Variants in CACNA2D3 observed in about 807,000 individuals in gnomAD.
CACNA2D3 encodes the protein calcium voltage-gated channel auxiliary subunit alpha2delta 3.
In CACNA2D3, 60 loss-of-function variants were observed where a neutral mutation model predicts 160.6. The ratio of observed to expected loss-of-function variants is 0.37; its 90% CI spans 0.30 to 0.46. The LOEUF is 0.46. Ranked by LOEUF, CACNA2D3 falls within the 20% of genes least tolerant of loss-of-function variation. The pLI is 1.00. For synonymous variants in CACNA2D3, 558 were observed against 492.9 expected (o/e 1.13, Z -1.75); for missense variants, 1,205 against 1,365.0 (o/e 0.88, Z 1.85).
chr3:54,675,365 G>C (rs1700221029), intron 11 of CACNA2D3, among the ~76,000 whole-genome samples: 1 of 152,136 alleles, frequency 6.6e-6, no homozygotes, highest in Non-Finnish European at 1.5e-5. Flanking sequence ...CAAGGAGTTT[G>C]GGACAACAAA....
chr3:54,147,484 A>T (rs868647848), intron 2 of CACNA2D3, among the ~76,000 whole-genome samples: 1 of 152,132 alleles, frequency 6.6e-6, no homozygotes, highest in Non-Finnish European at 1.5e-5. Context: ...TCCTTCCTTC[A>T]TTCCTTCTTT....
chr3:54,734,161 A>G (rs1701450109), intron 11 of CACNA2D3, among the ~76,000 whole-genome samples: 1 of 152,224 alleles, frequency 6.6e-6, no homozygotes, highest in Non-Finnish European at 1.5e-5. Context: ...GGGCAGGCTT[A>G]GCAACGGGGT....
At chr3:54,727,103 A>G (rs1302393005) in intron 11 of CACNA2D3, among the ~76,000 whole-genome samples, 2 of 152,244 alleles carry the variant, frequency 1.3e-5, no homozygotes, top group African/African-American at 2.4e-5. Context: ...AAAGGATATG[A>G]ACAGACACTT....
chr3:54,529,608 G>C (rs1701776293), intron 5 of CACNA2D3, among the ~76,000 whole-genome samples: 1 of 152,258 alleles, frequency 6.6e-6, no homozygotes, highest in African/African-American at 2.4e-5. Flanking sequence ...GGTTGTTCTG[G>C]AGAGGCTTCT....
In CACNA2D3 at chr3:54,767,697, T is replaced by C. The variant is rs117001493; in HGVS notation, c.1380+3346T>C. ...CAAATAATAATAATGATGATGACAA[T>C]AATAATAATAAGCTTGGAATATTTT... On this transcript the variant is annotated intron_variant, in intron 13 of 37. Transcript: ENST00000474759. Among the ~76,000 whole-genome samples the C allele has an allele frequency of 1.6e-4, 25 of 151,786 alleles. 1 individual carries two copies. In the East Asian group the frequency reaches 4.9e-3, roughly 30 times the overall value.
At chr3:54,642,057 G>T in intron 10 of CACNA2D3, 71 bp from the exon 11 acceptor site, 1 of 939,800 alleles carries the variant, frequency 1.1e-6, no homozygotes. Context: ...CAGGTCTCAT[G>T]TCTCTGATTT....
At chr3:55,021,689 A>ATG (rs1703458098) in intron 35 of CACNA2D3, among the ~76,000 whole-genome samples, 1 of 143,340 alleles carries the variant, frequency 7.0e-6, no homozygotes, top group African/African-American at 2.7e-5. Flanking sequence ...GTATATATAT[A>ATG]TATGTGTGTA....
chr3:54,943,203 T>TA (rs34708598), intron 27 of CACNA2D3, among the ~76,000 whole-genome samples: 18,799 of 142,010 alleles, frequency 0.13, 1,270 homozygotes, highest in Middle Eastern at 0.18. Context: ...CTATCTCTGG[T>TA]AAAAAAAAAA....
At chr3:54,820,065 G>A (rs532129714) in intron 14 of CACNA2D3, among the ~76,000 whole-genome samples, 1 of 152,232 alleles carries the variant, frequency 6.6e-6, no homozygotes, top group Non-Finnish European at 1.5e-5. Context: ...CCCTGAGTTT[G>A]TTGTTCCAGG....
At chr3:54,749,712 AT>A (rs1258333996) in intron 11 of CACNA2D3, among the ~76,000 whole-genome samples, 1 of 152,216 alleles carries the variant, frequency 6.6e-6, no homozygotes, top group Non-Finnish European at 1.5e-5. Context: ...GATTATGTTT[AT>A]TTTGTAGGCA....
chr3:54,991,799 G>A (rs1420594381), intron 31 of CACNA2D3, among the ~76,000 whole-genome samples: 2 of 152,074 alleles, frequency 1.3e-5, no homozygotes, highest in African/African-American at 4.8e-5. Flanking sequence ...ACCAAAATAG[G>A]GATCTCAATG....
intron 4 of CACNA2D3, among the ~76,000 whole-genome samples, chr3:54,450,148 C>G (rs775312863): frequency 2.2e-4 from 34 of 152,134 alleles, no homozygotes; most frequent in Non-Finnish European, 3.4e-4. Context: ...TATTAATTTC[C>G]TAGGACCTTC....
chr3:55,024,296 G>GTGTGT (rs1438062153), intron 35 of CACNA2D3, among the ~76,000 whole-genome samples: 1 of 151,576 alleles, frequency 6.6e-6, no homozygotes, highest in Non-Finnish European at 1.5e-5. Flanking sequence ...GTGAGAAAAT[G>GTGTGT]TGTGTTGTGA....
At position 54,822,775 on chromosome 3, in the gene CACNA2D3, TTTCTTTCTTTCTTTCCTTTCTTTC is replaced by T. The variant is rs1703646025; in HGVS notation, c.1398+5908_1398+5931del. The stretch of plus-strand genomic sequence containing the variant: ...CTTTCTTTCTTTCTTTCTTTCTTTC[TTTCTTTCTTTCTTTCCTTTCTTTC>T]TTTCTTTCTTTCTTTCTTTCTTTCT... On this transcript the variant is annotated intron_variant, in intron 14 of 37. Coordinates refer to ENST00000474759, the MANE Select transcript of CACNA2D3 (RefSeq NM_018398.3). Among the ~76,000 whole-genome samples, 3 of 92,940 alleles carry T rather than the reference TTTCTTTCTTTCTTTCCTTTCTTTC, an allele frequency of 3.2e-5. No individual in the cohort carries two copies. The South Asian group carries it at 1.2e-3, about 36-fold the overall frequency. The allele number at this position is 92,940 out of a possible 152,430, so 61.0% of individuals were successfully genotyped here. A position where few individuals can be genotyped will look rare whatever the true frequency, so the allele number is the denominator to read the frequency against.
chr3:54,457,519 A>T (rs890418911), intron 4 of CACNA2D3, among the ~76,000 whole-genome samples: 1 of 152,046 alleles, frequency 6.6e-6, no homozygotes, highest in African/African-American at 2.4e-5. Context: ...GATGAAAAGA[A>T]TGTGTCTTCT....
At chr3:54,280,049 CTTGTTTGT>C (rs370472128) in intron 2 of CACNA2D3, among the ~76,000 whole-genome samples, 11,182 of 150,618 alleles carry the variant, frequency 0.074, 554 homozygotes, top group Non-Finnish European at 0.1. Flanking sequence ...ACAAAGATGA[CTTGTTTGT>C]TTGTTTGTTT....
chr3:54,983,077 C>T (rs140135462), intron 29 of CACNA2D3, among the ~76,000 whole-genome samples: 2 of 152,308 alleles, frequency 1.3e-5, no homozygotes, highest in African/African-American at 4.8e-5. Flanking sequence ...GGTTCAAATG[C>T]TTCTGGCAAT....
At chr3:54,987,603 A>AC (rs1488726221) in intron 30 of CACNA2D3, 80 bp from the exon 31 acceptor site, 1 of 891,312 alleles carries the variant, frequency 1.1e-6, no homozygotes, top group African/African-American at 1.7e-5. Flanking sequence ...CAGGACACAG[A>AC]CTGTGTCCCT....
chr3:54,721,798 T>G (rs890596301), intron 11 of CACNA2D3, among the ~76,000 whole-genome samples: 20 of 151,494 alleles, frequency 1.3e-4, no homozygotes, highest in Non-Finnish European at 2.9e-5. Context: ...AAAGATGGGC[T>G]TCCCTTTGTG....
Sources: allele counts gnomAD v4.1 joint callset (sites outside exome capture counted in the v4.1 genomes callset), GRCh38; gene constraint gnomAD v4.1.1; transcripts MANE v1.5; gene names NCBI Gene and HGNC (gene_info 2026-07-23, HGNC 2026-07-21).